MMP15: variants seen among roughly 807,000 people sequenced by gnomAD.
MMP15 encodes the protein matrix metalloproteinase-15.
A neutral mutation model predicts 65.0 loss-of-function variants in MMP15; 36 were observed. That is an observed-to-expected ratio of 0.55 (90% CI 0.42 to 0.73). The LOEUF (loss-of-function observed/expected upper bound fraction) is 0.73. MMP15 is among the 30% of genes least tolerant of loss of function. MMP15 has a pLI of 0.00. For synonymous variants in MMP15, 428 were observed against 410.2 expected (o/e 1.04, Z -0.52); for missense variants, 870 against 987.8 (o/e 0.88, Z 1.60).
At chr16:58,035,491 G>A (rs765454172) in intron 1 of MMP15, among the ~76,000 whole-genome samples, 3 of 152,220 alleles carry the variant, frequency 2.0e-5, no homozygotes, top group Admixed American at 6.5e-5. Context: ...ACAGGCCTCT[G>A]GTCTCTGTCA....
At chr16:58,042,405 TC>T in intron 7 of MMP15, 36 bp downstream of exon 7, 1 of 1,607,560 alleles carries the variant, frequency 6.2e-7, no homozygotes. Flanking sequence ...TGGGCACGCC[TC>T]CTGCCATGAC....
At position 58,046,712 on chromosome 16, in the gene MMP15, A is replaced by AG. The variant is rs898852892; in HGVS notation, c.*1271dup. The AG allele has an allele frequency of 1.3e-5, 2 of 152,672 alleles. No individual in the cohort carries two copies. The highest frequency in any genetic ancestry group is 4.8e-5 in the African/African-American group (2 of 41,434). 9.5% of individuals were successfully genotyped at this position (152,672 alleles called of 1,614,324 possible). A position where few individuals can be genotyped will look rare whatever the true frequency, so the allele number is the denominator to read the frequency against. On this transcript the variant is annotated 3_prime_UTR_variant, in exon 10 of 10. Transcript: ENST00000219271. Reference sequence around the variant, plus strand: ...CCACCCAGGATCCCCAAGGCACTTGAGGGGGAAGGATTCTGCTGGCCTCTG... The same window carrying AG: ...CCACCCAGGATCCCCAAGGCACTTGAGGGGGGAAGGATTCTGCTGGCCTCTG...
intron 4 of MMP15, 142 bp from the exon 5 acceptor site, chr16:58,040,395 G>T: frequency 8.7e-7 from 1 of 1,151,558 alleles, no homozygotes; most frequent in Non-Finnish European, 1.2e-6. Context: ...AGATGGGGTT[G>T]TTGTAGGCCG....
At position 58,040,179 on chromosome 16, in the gene MMP15, C is replaced by T; in HGVS notation, c.745C>T (p.His249Tyr). Residue 249 changes from histidine to tyrosine, a missense_variant, in exon 4 of 10, where the codon CAT becomes TAT. His to Tyr is a moderately conservative substitution (Grantham distance 83). Coordinates refer to ENST00000219271, the MANE Select transcript of MMP15 (RefSeq NM_002428.4). ...EPWTFSSTDL[H>Y]GNNLFLVAVH... ...CTGGACCTTCTCCAGCACTGACCTG[C>T]ATGGTGAGGACAGCTGGCCAGGGTG... The T allele has an allele frequency of 6.2e-7, 1 of 1,605,386 alleles. No individual in the cohort carries two copies. Among genetic ancestry groups the T allele is most frequent in the South Asian group, 1.1e-5 (1 of 90,780 alleles).
At chr16:58,041,532 T>C (rs1959453232) in intron 5 of MMP15, 85 bp from the exon 6 acceptor site, 3 of 1,435,196 alleles carry the variant, frequency 2.1e-6, no homozygotes, top group East Asian at 2.5e-5. Flanking sequence ...ACTTTCCGCG[T>C]GGGTGGGCCT....
At chr16:58,026,880 C>T (rs1391203754) in intron 1 of MMP15, among the ~76,000 whole-genome samples, 1 of 152,224 alleles carries the variant, frequency 6.6e-6, no homozygotes, top group Admixed American at 6.5e-5. Context: ...CCTCGAGAGC[C>T]CGGCTGGCGC....
At position 58,039,962 on chromosome 16, in the gene MMP15, C is replaced by G. The variant is rs761010492; in HGVS notation, c.528C>G (p.Pro176=). Residue 176 remains proline, a synonymous_variant, in exon 4 of 10, where the codon CCC becomes CCG. Transcript: ENST00000219271. ...TCCGCGTGTGGGAGCAGGCCACGCC[C>G]CTGGTCTTCCAGGAGGTGCCCTATG... The part of the protein sequence containing the change: ...RAFRVWEQAT[P]LVFQEVPYED... 7 of 1,613,780 alleles carry G rather than the reference C, an allele frequency of 4.3e-6. No homozygotes were observed. The East Asian group carries it at 1.6e-4, about 36-fold the overall frequency.
chr16:58,044,386 G>T (rs1959513218), intron 9 of MMP15, among the ~76,000 whole-genome samples: 1 of 152,224 alleles, frequency 6.6e-6, no homozygotes, highest in African/African-American at 2.4e-5. Flanking sequence ...GGTCAAGGCT[G>T]CAGTGAGCTG....
Position 58,041,601 on chromosome 16 carries a change from C to G in MMP15, c.911-16C>G, listed in dbSNP as rs1288322620. ...AGGAACACAGACCTCACTTCTGAAC[C>G]CCTGCCTCTCTGCAGGTACCCCAGA... is the stretch of plus-strand genomic sequence containing the variant. On this transcript the variant is annotated splice_polypyrimidine_tract_variant and intron_variant, in intron 5 of 9. Transcript: ENST00000219271. 2.6e-6 allele frequency: 4 copies of G among 1,567,756 alleles called. No individual in the cohort carries two copies. In the African/African-American group the frequency reaches 5.5e-5, roughly 21 times the overall value.
intron 1 of MMP15, among the ~76,000 whole-genome samples, chr16:58,028,557 T>C (rs191652888): frequency 6.6e-6 from 1 of 152,306 alleles, no homozygotes; most frequent in East Asian, 1.9e-4. Flanking sequence ...GGCTGTGGCC[T>C]CAGACTCCTG....
At position 58,045,101 on chromosome 16, in the gene MMP15, C is replaced by T. The variant is rs1197249779; in HGVS notation, c.1665C>T (p.Asp555=). The change falls in exon 10 of 10, where the codon GAC becomes GAT. Residue 555 remains aspartate, a synonymous_variant. Transcript: ENST00000219271. Reference sequence around the variant, plus strand: ...GCTACCCCAAGTCCATCCTGCGGGACTTCATGGGCTGCCAGGAGCACGTGG... The same window carrying T: ...GCTACCCCAAGTCCATCCTGCGGGATTTCATGGGCTGCCAGGAGCACGTGG... ...EPGYPKSILR[D]FMGCQEHVEP... The T allele has an allele frequency of 5.0e-6, 8 of 1,611,206 alleles. No individual in the cohort carries two copies. The highest frequency in any genetic ancestry group is 1.7e-4 in the Middle Eastern group (1 of 6,058).
chr16:58,032,169 C>A lies in MMP15; in HGVS notation c.163-5303C>A, dbSNP rs190910517. 7.7e-3 allele frequency among the ~76,000 whole-genome samples: 1,175 copies of A among 152,302 alleles called. 12 individuals carry two copies. The highest frequency in any genetic ancestry group is 0.014 in the Non-Finnish European group (952 of 68,030). ...CGTGAGCTGCCATGCCCTGCCCATG[C>A]CACCTTTCTTTACTGGCCTTGGGGG... On this transcript the variant is annotated intron_variant, in intron 1 of 9. Transcript: ENST00000219271.
At chr16:58,031,677 G>A (rs1019245764) in intron 1 of MMP15, among the ~76,000 whole-genome samples, 1 of 151,906 alleles carries the variant, frequency 6.6e-6, no homozygotes, top group Admixed American at 6.6e-5. Context: ...TTCTCCTGCT[G>A]GACTTCCCCA....
At position 58,040,581 on chromosome 16, in the gene MMP15, C is replaced by T; in HGVS notation, c.793C>T (p.Leu265=). 1.2e-6 allele frequency: 2 copies of T among 1,614,070 alleles called. No homozygotes were observed. Among genetic ancestry groups the T allele is most frequent in the Non-Finnish European group, 1.7e-6 (2 of 1,180,038 alleles). Residue 265 remains leucine (L), a synonymous_variant, in exon 5 of 10, where the codon CTG becomes TTG. Transcript: ENST00000219271. ...GGCAGTGCATGAGCTGGGCCACGCGCTGGGGCTGGAGCACTCCAGCAACCC... is the reference window on the plus strand; with the variant it reads ...GGCAGTGCATGAGCTGGGCCACGCGTTGGGGCTGGAGCACTCCAGCAACCC... ...LVAVHELGHA[L]GLEHSSNPNA...
chr16:58,044,561 G>A (rs1003061547), intron 9 of MMP15, among the ~76,000 whole-genome samples: 9 of 152,210 alleles, frequency 5.9e-5, no homozygotes, highest in Non-Finnish European at 1.0e-4. Context: ...GCCTGGTATT[G>A]ATGGGATGCT....
chr16:58,028,101 T>C (rs1314688270), intron 1 of MMP15, among the ~76,000 whole-genome samples: 1 of 152,192 alleles, frequency 6.6e-6, no homozygotes, highest in Non-Finnish European at 1.5e-5. Context: ...GCATTGCTAA[T>C]GGCATCCTAG....
chr16:58,038,857 T>C (rs1212805665), intron 3 of MMP15, among the ~76,000 whole-genome samples: 1 of 152,204 alleles, frequency 6.6e-6, no homozygotes, highest in African/African-American at 2.4e-5. Flanking sequence ...CTTGTTCCAG[T>C]CTGGCTCTGT....
rs371784322 is a variant in MMP15, at chr16:58,045,311, C to T, written c.1875C>T (p.Asn625=). ...VQMEEVARTV[N]VVMVLVPLLL... ...TGGAGGAGGTGGCACGGACGGTGAA[C>T]GTGGTGATGGTGCTGGTGCCACTGC... Residue 625 remains asparagine, a synonymous_variant, in exon 10 of 10, where the codon AAC becomes AAT. Coordinates refer to ENST00000219271, the MANE Select transcript of MMP15 (RefSeq NM_002428.4). 2.3e-5 allele frequency: 37 copies of T among 1,609,876 alleles called. No homozygotes were observed. The highest frequency in any genetic ancestry group is 2.6e-5 in the Non-Finnish European group (31 of 1,179,244).
At chr16:58,042,412 A>G (rs1236693518) in intron 7 of MMP15, 43 bp downstream of exon 7, 6 of 1,605,552 alleles carry the variant, frequency 3.7e-6, no homozygotes, top group Non-Finnish European at 5.1e-6. Flanking sequence ...GCCTCCTGCC[A>G]TGACCTCTGA....
Sources: allele counts gnomAD v4.1 joint callset (sites outside exome capture counted in the v4.1 genomes callset), GRCh38; gene constraint gnomAD v4.1.1; transcripts MANE v1.5; gene names NCBI Gene and HGNC (gene_info 2026-07-23, HGNC 2026-07-21).